TEKT5: variants seen among roughly 807,000 people sequenced by gnomAD.
TEKT5 encodes the protein tektin 5, also known as tektin-5.
Under a neutral mutation model 48.7 loss-of-function variants are expected in TEKT5, and 52 were observed. The observed-to-expected ratio is 1.07, with a 90% CI of 0.86 to 1.35. The LOEUF (loss-of-function observed/expected upper bound fraction) is 1.35, where lower values mean the gene tolerates loss of function less well. Ranked by LOEUF, TEKT5 falls within the 40% of genes most tolerant of loss-of-function variation. TEKT5 has a pLI of 0.00. For missense variants in TEKT5, 831 were observed against 641.6 expected, an observed-to-expected ratio of 1.30 and a Z score of -3.19; for synonymous variants, 318 against 267.6, an observed-to-expected ratio of 1.19 and a Z score of -1.84.
intron 5 of TEKT5, among the ~76,000 whole-genome samples, chr16:10,654,252 C>A (rs921925194): frequency 6.6e-6 from 1 of 152,092 alleles, no homozygotes; most frequent in Non-Finnish European, 1.5e-5. Context: ...GGTTTTCCCG[C>A]GTTGGCCAGG....
chr16:10,682,150 G>T lies in TEKT5; in HGVS notation c.720-14C>A. 1 of 1,613,510 alleles carries T rather than the reference G, an allele frequency of 6.2e-7. No homozygotes were observed. The highest frequency in any genetic ancestry group is 1.1e-5 in the South Asian group (1 of 91,000). ...TCCCGGTTATCCCTGCAGGGAGGGA[G>T]GAGTCATTCCTGGACTATGCACCTG... On this transcript the variant is annotated splice_polypyrimidine_tract_variant and intron_variant, in intron 3 of 6. Coordinates refer to ENST00000283025, the MANE Select transcript of TEKT5 (RefSeq NM_144674.2).
chr16:10,686,809 G>A (rs1040019973), intron 3 of TEKT5, among the ~76,000 whole-genome samples: 1 of 152,246 alleles, frequency 6.6e-6, no homozygotes, highest in South Asian at 2.1e-4. Flanking sequence ...CACAATTTAC[G>A]ATAGCCAAGA....
chr16:10,633,743 G>A (rs949018969), intron 6 of TEKT5, among the ~76,000 whole-genome samples: 2 of 152,030 alleles, frequency 1.3e-5, no homozygotes, highest in Non-Finnish European at 2.9e-5. Flanking sequence ...ATAGTGTCTT[G>A]CTGTGTTGTC....
At chr16:10,650,610 T>TG (rs111821473) in intron 5 of TEKT5, among the ~76,000 whole-genome samples, 39,140 of 150,908 alleles carry the variant, frequency 0.26, 5,462 homozygotes, top group Middle Eastern at 0.4. Context: ...TCTGGCCAGG[T>TG]GGGTGGCTCA....
rs56978926 is a variant in TEKT5, at chr16:10,677,829, G to A, written c.864-1648C>T. 6.9e-4 allele frequency among the ~76,000 whole-genome samples: 99 copies of A among 144,300 alleles called. 2 individuals are homozygous for A. The highest frequency in any genetic ancestry group is 2.4e-3 in the African/African-American group (90 of 38,268). The allele number at this position is 144,300 out of a possible 152,430, so 94.7% of individuals were successfully genotyped here. On this transcript the variant is annotated intron_variant, in intron 4 of 6. Transcript: ENST00000283025. ...CCCCTCCTCCAGGCTGAAACCATCT[G>A]GAAACCAAAGGACAGAGAGCCCAGG...
intron 5 of TEKT5, chr16:10,671,663 C>A (rs1410216909): frequency 1.3e-5 from 2 of 152,166 alleles, no homozygotes; most frequent in African/African-American, 4.8e-5. Context: ...TAAAGACATA[C>A]CCAAGACTGG....
rs1898764964 is a variant in TEKT5 at position 10,682,091 on chromosome 16, G to A, written c.765C>T (p.Asp255=). The A allele has an allele frequency of 6.2e-7, 1 of 1,614,054 alleles. No individual in the cohort carries two copies. The change falls in exon 4 of 7, where the codon GAC becomes GAT. Residue 255 remains aspartate (D), a synonymous_variant. Transcript: ENST00000283025. ...CATCGATACACTGGGCCGAGCTTTT[G>A]TCTTCGAGGTCCCTCTCCAGCACGT... is the stretch of plus-strand genomic sequence containing the variant. ...AQHVLERDLE[D]KSSAQCIDEK... is the part of the protein sequence containing the mutation.
chr16:10,658,359 AG>A (rs1898299693), intron 5 of TEKT5, among the ~76,000 whole-genome samples: 1 of 152,228 alleles, frequency 6.6e-6, no homozygotes, highest in Non-Finnish European at 1.5e-5. Flanking sequence ...TATCAACAGG[AG>A]GATGGATCAA....
intron 5 of TEKT5, among the ~76,000 whole-genome samples, chr16:10,636,895 C>A (rs1005066728): frequency 6.6e-6 from 1 of 151,716 alleles, no homozygotes; most frequent in African/African-American, 2.4e-5. Flanking sequence ...GGGCTCACTG[C>A]AAACTCCGCC....
chr16:10,657,381 G>C (rs912819551), intron 5 of TEKT5, among the ~76,000 whole-genome samples: 13 of 151,972 alleles, frequency 8.6e-5, no homozygotes, highest in Non-Finnish European at 1.6e-4. Flanking sequence ...ACCCGCCTTG[G>C]CCTTCCAAAG....
chr16:10,667,016 C>A (rs1898470407), intron 5 of TEKT5, among the ~76,000 whole-genome samples: 2 of 144,518 alleles, frequency 1.4e-5, no homozygotes, highest in Non-Finnish European at 3.0e-5. Context: ...CAGGGTCTCA[C>A]TCTGTTGCAC....
At chr16:10,654,956 C>G (rs1177765098) in intron 5 of TEKT5, among the ~76,000 whole-genome samples, 6 of 122,958 alleles carry the variant, frequency 4.9e-5, no homozygotes, top group Admixed American at 1.7e-4. Flanking sequence ...CCCCCCCCCC[C>G]AGTCTGTGAC....
intron 5 of TEKT5, among the ~76,000 whole-genome samples, chr16:10,638,589 G>A (rs137873288): frequency 6.6e-6 from 1 of 152,294 alleles, no homozygotes; most frequent in Non-Finnish European, 1.5e-5. Flanking sequence ...CATTTGCCCA[G>A]ACACTCCATA....
chr16:10,678,193 C>T (rs926921581), intron 4 of TEKT5, among the ~76,000 whole-genome samples: 4 of 152,088 alleles, frequency 2.6e-5, no homozygotes, highest in African/African-American at 7.2e-5. Context: ...CTGTCTCCCA[C>T]GTTCAAGCAA....
At chr16:10,669,197 G>C (rs1318170369) in intron 5 of TEKT5, among the ~76,000 whole-genome samples, 2 of 152,134 alleles carry the variant, frequency 1.3e-5, no homozygotes, top group Admixed American at 1.3e-4. Context: ...GCCACGTACG[G>C]TAGCTCACGC....
At chr16:10,650,376 C>G (rs1898135314) in intron 5 of TEKT5, among the ~76,000 whole-genome samples, 1 of 151,474 alleles carries the variant, frequency 6.6e-6, no homozygotes. Context: ...GCTGGGATTA[C>G]AGGGGTGAGC....
intron 6 of TEKT5, among the ~76,000 whole-genome samples, chr16:10,628,503 G>A (rs984426826): frequency 6.6e-6 from 1 of 152,184 alleles, no homozygotes; most frequent in Non-Finnish European, 1.5e-5. Context: ...CCCTATTCAC[G>A]ATAACCAAAA....
At chr16:10,639,985 T>C (rs1201887687) in intron 5 of TEKT5, among the ~76,000 whole-genome samples, 1 of 147,376 alleles carries the variant, frequency 6.8e-6, no homozygotes. Context: ...TTCTTCTTTC[T>C]TCTTTTTCTT....
intron 5 of TEKT5, among the ~76,000 whole-genome samples, chr16:10,673,797 C>G (rs1233000653): frequency 6.6e-6 from 1 of 151,708 alleles, no homozygotes; most frequent in East Asian, 1.9e-4. Flanking sequence ...ATTACAGGTG[C>G]ATGCCACTAT....
Sources: gnomAD v4.1 joint callset for allele counts (sites outside exome capture counted in the v4.1 genomes callset) on GRCh38, gnomAD v4.1.1 for gene constraint, MANE v1.5 for transcripts, NCBI Gene and HGNC (gene_info 2026-07-23, HGNC 2026-07-21) for gene names.